Variants in PPP1R12A observed in about 807,000 individuals in gnomAD.
The protein encoded by PPP1R12A is protein phosphatase 1 regulatory subunit 12A, also known as myosin binding subunit.
PPP1R12A carries 19 observed loss-of-function variants against 139.6 expected under a neutral mutation model. The observed-to-expected ratio is 0.14, with a 90% CI of 0.09 to 0.20. PPP1R12A has a LOEUF of 0.20. Ranked by LOEUF, PPP1R12A falls within the 10% of genes least tolerant of loss-of-function variation. The probability of loss-of-function intolerance (pLI) is 1.00; values close to 1 mark genes in which losing one functional copy is unlikely to be tolerated. For missense variants in PPP1R12A, 925 were observed against 1,211.5 expected (o/e 0.76, Z 3.51); for synonymous variants, 427 against 420.6 (o/e 1.02, Z -0.19).
At chr12:79,781,528 C>A (rs1870449652) in intron 23 of PPP1R12A, among the ~76,000 whole-genome samples, 1 of 151,938 alleles carries the variant, frequency 6.6e-6, no homozygotes, top group Non-Finnish European at 1.5e-5. Flanking sequence ...ATATCAAATT[C>A]ACTATCAAAA....
At chr12:79,800,979 C>T (rs567741934) in intron 14 of PPP1R12A, among the ~76,000 whole-genome samples, 2 of 151,814 alleles carry the variant, frequency 1.3e-5, no homozygotes, top group South Asian at 4.2e-4. Flanking sequence ...GTGATCCGCC[C>T]ACCTCAGCCT....
intron 1 of PPP1R12A, among the ~76,000 whole-genome samples, chr12:79,930,039 GA>G (rs1383230721): frequency 6.6e-6 from 1 of 152,168 alleles, no homozygotes; most frequent in Non-Finnish European, 1.5e-5. Context: ...AATTGTGGAA[GA>G]TTAGGTCCTC....
chr12:79,924,660 C>T (rs1306903497), intron 1 of PPP1R12A, among the ~76,000 whole-genome samples: 1 of 152,166 alleles, frequency 6.6e-6, no homozygotes, highest in Non-Finnish European at 1.5e-5. Context: ...AACTCCTGGG[C>T]TCAAGCAATC....
At chr12:79,881,556 T>C (rs1435165024) in intron 1 of PPP1R12A, among the ~76,000 whole-genome samples, 1 of 152,178 alleles carries the variant, frequency 6.6e-6, no homozygotes, top group Non-Finnish European at 1.5e-5. Context: ...AGTTGATTCA[T>C]GAGGTTTAAG....
intron 1 of PPP1R12A, among the ~76,000 whole-genome samples, chr12:79,891,768 C>G (rs997011609): frequency 2.6e-5 from 4 of 152,208 alleles, no homozygotes; most frequent in Admixed American, 2.0e-4. Context: ...TCCTGGATCA[C>G]TCACAACCTG....
chr12:79,853,152 C>G (rs1055251992), intron 2 of PPP1R12A, among the ~76,000 whole-genome samples: 5 of 152,054 alleles, frequency 3.3e-5, no homozygotes, highest in African/African-American at 1.2e-4. Flanking sequence ...TGAGTGTGAC[C>G]AATGTTTTTT....
At chr12:79,931,875 G>A (rs1888281074) in intron 1 of PPP1R12A, among the ~76,000 whole-genome samples, 1 of 152,124 alleles carries the variant, frequency 6.6e-6, no homozygotes, top group Non-Finnish European at 1.5e-5. Flanking sequence ...CTTCTATACA[G>A]AGGACACATT....
At chr12:79,789,778 CTTT>C (rs5799442) in intron 20 of PPP1R12A, 4,693 of 309,466 alleles carry the variant, frequency 0.015, no homozygotes, top group South Asian at 0.02. Context: ...TTAGGTGACA[CTTT>C]TTTTTTTTTT....
intron 3 of PPP1R12A, among the ~76,000 whole-genome samples, chr12:79,834,922 T>C (rs188174831): frequency 1.4e-4 from 22 of 152,302 alleles, no homozygotes; most frequent in Non-Finnish European, 2.9e-4. Flanking sequence ...TGATTGTTAA[T>C]TGTGTCAACT....
At chr12:79,857,740 G>A (rs1488203082) in intron 2 of PPP1R12A, among the ~76,000 whole-genome samples, 3 of 152,028 alleles carry the variant, frequency 2.0e-5, no homozygotes, top group Non-Finnish European at 4.4e-5. Context: ...GACTTCACAT[G>A]TATCTATCTA....
intron 5 of PPP1R12A, among the ~76,000 whole-genome samples, 199 bp from the exon 6 acceptor site, chr12:79,822,389 C>T (rs1437834963): frequency 6.6e-6 from 1 of 152,062 alleles, no homozygotes; most frequent in Non-Finnish European, 1.5e-5. Flanking sequence ...GAGAATATCT[C>T]CCCTTATTTT....
At chr12:79,834,036 T>A (rs1011511807) in intron 3 of PPP1R12A, among the ~76,000 whole-genome samples, 1 of 152,152 alleles carries the variant, frequency 6.6e-6, no homozygotes, top group African/African-American at 2.4e-5. Context: ...ATTTAATATA[T>A]ACTGAGCACC....
At chr12:79,922,194 G>A (rs911523499) in intron 1 of PPP1R12A, among the ~76,000 whole-genome samples, 1 of 152,090 alleles carries the variant, frequency 6.6e-6, no homozygotes, top group East Asian at 1.9e-4. Flanking sequence ...CCAGGCAGTC[G>A]AAGCTGCAGT....
intron 1 of PPP1R12A, among the ~76,000 whole-genome samples, chr12:79,912,902 C>G (rs971191489): frequency 3.2e-4 from 49 of 152,212 alleles, no homozygotes; most frequent in Middle Eastern, 3.4e-3. Context: ...TAAGTACAAC[C>G]AAGCAAGAGA....
chr12:79,798,650 A>G (rs1872740707), intron 14 of PPP1R12A, 66 bp from the exon 15 acceptor site: 2 of 840,760 alleles, frequency 2.4e-6, no homozygotes, highest in Non-Finnish European at 3.6e-6. Context: ...ATATCTATCA[A>G]TGCATATGAA....
intron 2 of PPP1R12A, among the ~76,000 whole-genome samples, chr12:79,865,527 TTGTCTC>T (rs1881864743): frequency 6.6e-6 from 1 of 152,148 alleles, no homozygotes; most frequent in African/African-American, 2.4e-5. Flanking sequence ...GGAAGTCAAA[TTGTCTC>T]TGTTTACAGA....
At position 79,843,503 on chromosome 12, in the gene PPP1R12A, C is replaced by T. The variant is rs537610238; in HGVS notation, c.487+1799G>A. 2.8e-3 allele frequency among the ~76,000 whole-genome samples: 423 copies of T among 151,702 alleles called. 2 individuals are homozygous for T. The highest frequency in any genetic ancestry group is 9.9e-3 in the African/African-American group (409 of 41,408). The stretch of plus-strand genomic sequence containing the variant: ...TGAGGCAAGGAGAATCACTTGAACC[C>T]GAGAGGCAGAGGTTGCAGTGAACCC... On this transcript the variant is annotated intron_variant, in intron 3 of 24. Transcript: ENST00000450142.
At chr12:79,838,485 T>C (rs2137179458) in intron 3 of PPP1R12A, among the ~76,000 whole-genome samples, 1 of 152,358 alleles carries the variant, frequency 6.6e-6, no homozygotes, top group East Asian at 1.9e-4. Flanking sequence ...CCCCAGGGCA[T>C]GTCAAAGACT....
At chr12:79,925,615 T>TA (rs1302997254) in intron 1 of PPP1R12A, among the ~76,000 whole-genome samples, 4 of 152,220 alleles carry the variant, frequency 2.6e-5, no homozygotes, top group Non-Finnish European at 4.4e-5. Flanking sequence ...CCATGGTTTC[T>TA]ACTGAATGTC....
Sources: allele counts gnomAD v4.1 joint callset (sites outside exome capture counted in the v4.1 genomes callset), GRCh38; gene constraint gnomAD v4.1.1; transcripts MANE v1.5; gene names NCBI Gene and HGNC (gene_info 2026-07-23, HGNC 2026-07-21).